SYT1: variants seen among roughly 807,000 people sequenced by gnomAD.
SYT1 encodes synaptotagmin-1.
Under a neutral mutation model 44.8 loss-of-function variants are expected in SYT1, and 8 were observed. The observed-to-expected ratio is 0.18, with a 90% CI of 0.10 to 0.32. SYT1 has a LOEUF of 0.32. Ranked by LOEUF, SYT1 falls within the 10% of genes least tolerant of loss-of-function variation. The probability of loss-of-function intolerance (pLI) is 1.00; values close to 1 mark genes in which losing one functional copy is unlikely to be tolerated. For synonymous variants in SYT1, 154 were observed against 188.8 expected (o/e 0.82, Z 1.51); for missense variants, 286 against 509.3 (o/e 0.56, Z 4.22).
At chr12:79,239,463 A>T (rs1472433725) in intron 4 of SYT1, among the ~76,000 whole-genome samples, 1 of 152,254 alleles carries the variant, frequency 6.6e-6, no homozygotes, top group Non-Finnish European at 1.5e-5. Context: ...TTAGTTAACA[A>T]TAATGCATTT....
chr12:78,942,084 C>A (rs1269260907), intron 1 of SYT1, among the ~76,000 whole-genome samples: 1 of 152,218 alleles, frequency 6.6e-6, no homozygotes, highest in African/African-American at 2.4e-5. Context: ...ACCTCCTCTA[C>A]TGACATTCCA....
chr12:79,044,837 C>T lies in SYT1; in HGVS notation c.-83-2460C>T, dbSNP rs577257200. Among the ~76,000 whole-genome samples, 7 of 151,648 alleles carry T rather than the reference C, an allele frequency of 4.6e-5. No homozygotes were observed. In the East Asian group the frequency reaches 1.4e-3, roughly 30 times the overall value. Reference sequence around the variant, plus strand: ...GATGTCCTTTCTGTTTGTTAGTTTTCCTTCTAACAGACAGGACCCTCAGCT... The same window carrying T: ...GATGTCCTTTCTGTTTGTTAGTTTTTCTTCTAACAGACAGGACCCTCAGCT... On this transcript the variant is annotated intron_variant, in intron 2 of 10. Transcript: ENST00000261205.
intron 1 of SYT1, among the ~76,000 whole-genome samples, chr12:78,885,781 G>A (rs1874716707): frequency 6.6e-6 from 1 of 151,944 alleles, no homozygotes; most frequent in Non-Finnish European, 1.5e-5. Context: ...AGGATTTTGA[G>A]CATATGAGTA....
intron 4 of SYT1, among the ~76,000 whole-genome samples, chr12:79,267,640 T>C (rs1040873828): frequency 6.6e-6 from 1 of 152,222 alleles, no homozygotes; most frequent in African/African-American, 2.4e-5. Flanking sequence ...TATTGTGTTG[T>C]CCACAGCATG....
At chr12:78,989,033 A>G (rs74110114) in intron 2 of SYT1, among the ~76,000 whole-genome samples, 1 of 152,084 alleles carries the variant, frequency 6.6e-6, no homozygotes, top group Non-Finnish European at 1.5e-5. Context: ...TGAATTGAAT[A>G]TGGAAAATAA....
chr12:79,274,296 C>A (rs906022762), intron 4 of SYT1, among the ~76,000 whole-genome samples: 2 of 152,074 alleles, frequency 1.3e-5, no homozygotes, highest in African/African-American at 4.8e-5. Flanking sequence ...AGTCTTGCAT[C>A]CTGGGTCAGT....
chr12:79,187,878 G>A (rs1047001632), intron 3 of SYT1, among the ~76,000 whole-genome samples: 1 of 152,014 alleles, frequency 6.6e-6, no homozygotes, highest in Admixed American at 6.6e-5. Context: ...CTATTGTAGG[G>A]CACAAGCTAA....
At chr12:79,029,194 A>T (rs1179712898) in intron 2 of SYT1, among the ~76,000 whole-genome samples, 2 of 151,138 alleles carry the variant, frequency 1.3e-5, no homozygotes, top group Non-Finnish European at 3.0e-5. Context: ...TCGGTAGTGC[A>T]GATTTGTTTT....
chr12:79,024,047 T>C (rs1353008231), intron 2 of SYT1, among the ~76,000 whole-genome samples: 1 of 151,744 alleles, frequency 6.6e-6, no homozygotes, highest in Non-Finnish European at 1.5e-5. Context: ...AAGAGCATCC[T>C]AACCTCACGG....
At chr12:79,170,269 G>A (rs1422969459) in intron 3 of SYT1, among the ~76,000 whole-genome samples, 1 of 151,990 alleles carries the variant, frequency 6.6e-6, no homozygotes, top group African/African-American at 2.4e-5. Flanking sequence ...TTGAGGCATT[G>A]CCACACTGTC....
chr12:79,352,204 A>T (rs1223726221), intron 8 of SYT1, among the ~76,000 whole-genome samples: 3 of 151,982 alleles, frequency 2.0e-5, no homozygotes, highest in Admixed American at 2.0e-4. Context: ...CCCAAAAAAA[A>T]AACGGGGGGG....
intron 8 of SYT1, among the ~76,000 whole-genome samples, chr12:79,338,276 C>CTTTTT (rs58399069): frequency 6.9e-6 from 1 of 144,864 alleles, no homozygotes; most frequent in African/African-American, 2.6e-5. Context: ...TTTCTTTTTC[C>CTTTTT]TTTTTTTTTT....
chr12:79,147,609 A>C (rs1363581583), intron 3 of SYT1, among the ~76,000 whole-genome samples: 1 of 152,214 alleles, frequency 6.6e-6, no homozygotes, highest in Non-Finnish European at 1.5e-5. Context: ...AAGTTTGATA[A>C]CTATAACTAC....
chr12:79,067,851 ACT>A (rs1302875680), intron 3 of SYT1, among the ~76,000 whole-genome samples: 1 of 152,190 alleles, frequency 6.6e-6, no homozygotes, highest in Admixed American at 6.6e-5. Context: ...AGAAATAAAG[ACT>A]CAGAATATAT....
chr12:79,321,905 T>C (rs924690870), intron 8 of SYT1, among the ~76,000 whole-genome samples: 5 of 152,164 alleles, frequency 3.3e-5, no homozygotes, highest in Non-Finnish European at 7.3e-5. Flanking sequence ...TTGTGTGGTC[T>C]CCTCCAAGTG....
chr12:79,033,562 C>T (rs529976836), intron 2 of SYT1, among the ~76,000 whole-genome samples: 12 of 151,368 alleles, frequency 7.9e-5, no homozygotes, highest in African/African-American at 2.7e-4. Flanking sequence ...TTTCTTGCAT[C>T]GTCTCCTACC....
chr12:79,036,817 G>A (rs77423599), intron 2 of SYT1, among the ~76,000 whole-genome samples: 1 of 151,494 alleles, frequency 6.6e-6, no homozygotes, highest in Admixed American at 6.6e-5. Flanking sequence ...TCTTTCACGA[G>A]AGTGTTCACA....
At chr12:79,190,940 C>T (rs1873080193) in intron 3 of SYT1, among the ~76,000 whole-genome samples, 1 of 151,942 alleles carries the variant, frequency 6.6e-6, no homozygotes, top group South Asian at 2.1e-4. Context: ...AAACAAGGTT[C>T]CTGTTTCTTG....
At chr12:79,392,456 C>T (rs1449064680) in intron 9 of SYT1, 1 of 152,068 alleles carries the variant, frequency 6.6e-6, no homozygotes, top group South Asian at 2.1e-4. Flanking sequence ...AGAATTTACA[C>T]CGGTTTACAG....
Sources: allele counts gnomAD v4.1 joint callset (sites outside exome capture counted in the v4.1 genomes callset), GRCh38; gene constraint gnomAD v4.1.1; transcripts MANE v1.5; gene names NCBI Gene and HGNC (gene_info 2026-07-23, HGNC 2026-07-21).